Variants in IL1RAPL1 observed in about 807,000 individuals in gnomAD.
The protein encoded by IL1RAPL1 is interleukin 1 receptor accessory protein like 1.
A neutral mutation model predicts 48.4 loss-of-function variants in IL1RAPL1; 3 were observed. The observed-to-expected ratio is 0.06, with a 90% CI of 0.03 to 0.16. The LOEUF is 0.16. Among genes scored for constraint, IL1RAPL1 ranks in the 10% least tolerant of loss-of-function variants. IL1RAPL1 has a pLI of 1.00. For missense variants in IL1RAPL1, 349 were observed against 530.6 expected, an observed-to-expected ratio of 0.66 and a Z score of 3.36; for synonymous variants, 185 against 187.7, an observed-to-expected ratio of 0.99 and a Z score of 0.12.
chrX:29,211,781 A>G, intron 2 of IL1RAPL1, among the ~76,000 whole-genome samples: 1 of 111,615 alleles, frequency 9.0e-6, no homozygotes. Flanking sequence ...TTTTAAAATG[A>G]AATTTTGGAA....
At chrX:29,357,844 C>T (rs770253718) in intron 3 of IL1RAPL1, among the ~76,000 whole-genome samples, 3 of 111,759 alleles carry the variant, frequency 2.7e-5, no homozygotes, top group African/African-American at 9.7e-5. Flanking sequence ...ACTCCCAAAC[C>T]CGGGGAAAAC....
intron 5 of IL1RAPL1, among the ~76,000 whole-genome samples, chrX:29,525,407 C>T (rs750931345): frequency 1.1e-3 from 120 of 112,021 alleles, no homozygotes; most frequent in Non-Finnish European, 1.1e-3. Flanking sequence ...CTTTTTCTTT[C>T]TAGAGAAGGC....
At chrX:29,047,387 A>G (rs1157981717) in intron 2 of IL1RAPL1, among the ~76,000 whole-genome samples, 1 of 112,099 alleles carries the variant, frequency 8.9e-6, no homozygotes, top group Non-Finnish European at 1.9e-5. Flanking sequence ...TCTTGTACTT[A>G]TGGCTGAAAA....
At chrX:28,817,302 G>T (rs747813663) in intron 2 of IL1RAPL1, among the ~76,000 whole-genome samples, 6 of 110,805 alleles carry the variant, frequency 5.4e-5, no homozygotes, top group Non-Finnish European at 9.5e-5. Context: ...CCATTTCTAA[G>T]ACCTCAGATA....
At chrX:29,590,045 G>A (rs886278075) in intron 5 of IL1RAPL1, among the ~76,000 whole-genome samples, 4 of 110,911 alleles carry the variant, frequency 3.6e-5, no homozygotes, top group Non-Finnish European at 7.6e-5. Flanking sequence ...ATAACTTACC[G>A]GGCATCAACA....
At chrX:29,194,365 G>A (rs771729949) in intron 2 of IL1RAPL1, among the ~76,000 whole-genome samples, 2 of 112,389 alleles carry the variant, frequency 1.8e-5, no homozygotes, top group South Asian at 7.3e-4. Context: ...GATTTATACA[G>A]TGTATTAAAA....
At chrX:29,421,149 T>G (rs1418551122) in intron 5 of IL1RAPL1, among the ~76,000 whole-genome samples, 1 of 112,281 alleles carries the variant, frequency 8.9e-6, no homozygotes, top group Admixed American at 9.5e-5. Context: ...GACTTTTTCC[T>G]TAGTTCAGCT....
At chrX:29,276,419 T>A (rs974365128) in intron 2 of IL1RAPL1, among the ~76,000 whole-genome samples, 25 of 112,287 alleles carry the variant, frequency 2.2e-4, no homozygotes, top group African/African-American at 8.1e-4. Context: ...TTATTCTGAG[T>A]TAGAAAATTG....
chrX:29,151,412 C>T (rs761328015), intron 2 of IL1RAPL1, among the ~76,000 whole-genome samples: 8 of 111,961 alleles, frequency 7.1e-5, no homozygotes, highest in Non-Finnish European at 1.3e-4. Flanking sequence ...ATACTAGCAT[C>T]TCTGGCTTGG....
At chrX:29,884,098 A>G (rs1298878005) in intron 6 of IL1RAPL1, among the ~76,000 whole-genome samples, 1 of 111,830 alleles carries the variant, frequency 8.9e-6, no homozygotes, top group African/African-American at 3.3e-5. Context: ...AAAATGCTCA[A>G]GGATACTAAA....
intron 2 of IL1RAPL1, among the ~76,000 whole-genome samples, chrX:29,137,773 T>C (rs1289041647): frequency 8.9e-6 from 1 of 112,512 alleles, no homozygotes; most frequent in Non-Finnish European, 1.9e-5. Context: ...TCTTAAATGG[T>C]GCACATGTGG....
intron 5 of IL1RAPL1, among the ~76,000 whole-genome samples, chrX:29,420,018 C>T (rs1161278711): frequency 3.6e-5 from 4 of 111,552 alleles, no homozygotes; most frequent in Non-Finnish European, 7.5e-5. Context: ...AATGTAATGA[C>T]GAAGTAGATA....
chrX:29,501,013 CATT>C (rs1231736733), intron 5 of IL1RAPL1, among the ~76,000 whole-genome samples: 2 of 111,481 alleles, frequency 1.8e-5, no homozygotes, highest in Non-Finnish European at 3.8e-5. Context: ...AATGATATCT[CATT>C]GTTGTTTTGG....
intron 6 of IL1RAPL1, among the ~76,000 whole-genome samples, chrX:29,803,512 T>C (rs958002422): frequency 1.5e-4 from 14 of 96,526 alleles, no homozygotes; most frequent in Non-Finnish European, 2.4e-4. Context: ...TATGTGTATA[T>C]ATGTATATAT....
chrX:29,942,092 A>C (rs1221600151), intron 9 of IL1RAPL1, among the ~76,000 whole-genome samples: 1 of 111,841 alleles, frequency 8.9e-6, no homozygotes. Context: ...CTTTTCTCTC[A>C]CCTTGTAATC....
chrX:29,019,129 A>G (rs902682790), intron 2 of IL1RAPL1, among the ~76,000 whole-genome samples: 3 of 111,151 alleles, frequency 2.7e-5, no homozygotes, highest in Non-Finnish European at 5.7e-5. Context: ...TATCACAAGA[A>G]CAGGATGAGG....
intron 1 of IL1RAPL1, among the ~76,000 whole-genome samples, chrX:28,693,590 A>G (rs1252349932): frequency 8.9e-6 from 1 of 112,369 alleles, no homozygotes; most frequent in Non-Finnish European, 1.9e-5. Context: ...ATAGCAATAC[A>G]ACACATTTTA....
At chrX:29,392,645 G>A (rs1933867958) in intron 3 of IL1RAPL1, among the ~76,000 whole-genome samples, 1 of 112,247 alleles carries the variant, frequency 8.9e-6, no homozygotes, top group Non-Finnish European at 1.9e-5. Context: ...CAGAGCTGAA[G>A]GAGAAGTTAG....
chrX:29,221,023 G>A (rs1030414032), intron 2 of IL1RAPL1, among the ~76,000 whole-genome samples: 2 of 110,965 alleles, frequency 1.8e-5, no homozygotes, highest in Admixed American at 9.6e-5. Flanking sequence ...GGGTTCAAGC[G>A]ATTCTACTGC....
Sources: allele counts gnomAD v4.1 joint callset (sites outside exome capture counted in the v4.1 genomes callset), GRCh38; gene constraint gnomAD v4.1.1; transcripts MANE v1.5; gene names NCBI Gene and HGNC (gene_info 2026-07-23, HGNC 2026-07-21).